Variants in ANKS1B observed in about 807,000 individuals in gnomAD.
The protein encoded by ANKS1B is ankyrin repeat and sterile alpha motif domain containing 1B.
A neutral mutation model predicts 148.3 loss-of-function variants in ANKS1B; 36 were observed. That is an observed-to-expected ratio of 0.24 (90% CI 0.19 to 0.32). ANKS1B has a LOEUF of 0.32. Ranked by LOEUF, ANKS1B falls within the 10% of genes least tolerant of loss-of-function variation. The pLI is 1.00. For missense variants in ANKS1B, 1,157 were observed against 1,542.6 expected (o/e 0.75, Z 4.19); for synonymous variants, 542 against 560.8 (o/e 0.97, Z 0.47).
At chr12:98,844,895 T>C (rs1352705655) in intron 17 of ANKS1B, among the ~76,000 whole-genome samples, 1 of 152,126 alleles carries the variant, frequency 6.6e-6, no homozygotes, top group Non-Finnish European at 1.5e-5. Context: ...TAATGTAAAA[T>C]TCAACATTCT....
chr12:99,563,813 A>G (rs1427231522), intron 9 of ANKS1B, among the ~76,000 whole-genome samples: 1 of 152,132 alleles, frequency 6.6e-6, no homozygotes, highest in African/African-American at 2.4e-5. Context: ...GTATGCCTGG[A>G]TATCTTTCCC....
intron 2 of ANKS1B, among the ~76,000 whole-genome samples, chr12:99,823,041 G>A (rs1451751165): frequency 6.6e-6 from 1 of 152,126 alleles, no homozygotes; most frequent in Non-Finnish European, 1.5e-5. Flanking sequence ...CTGACGATTA[G>A]TGATGTTGAG....
chr12:99,632,106 T>A (rs901117103), intron 9 of ANKS1B, among the ~76,000 whole-genome samples: 1 of 152,086 alleles, frequency 6.6e-6, no homozygotes, highest in Admixed American at 6.6e-5. Context: ...GTGACTTTGC[T>A]CCCCACACCC....
intron 11 of ANKS1B, among the ~76,000 whole-genome samples, chr12:99,418,602 A>G (rs1437058277): frequency 1.3e-5 from 2 of 152,042 alleles, no homozygotes; most frequent in East Asian, 1.9e-4. Flanking sequence ...AGGAAGTTTC[A>G]GTTTTCCTTT....
chr12:99,510,164 C>A (rs536466799), intron 9 of ANKS1B, among the ~76,000 whole-genome samples: 1 of 151,940 alleles, frequency 6.6e-6, no homozygotes, highest in Non-Finnish European at 1.5e-5. Context: ...TCTGATAGAG[C>A]TGTACGAAGA....
intron 12 of ANKS1B, among the ~76,000 whole-genome samples, chr12:99,345,617 G>C (rs932153423): frequency 6.6e-6 from 1 of 151,916 alleles, no homozygotes; most frequent in South Asian, 2.1e-4. Context: ...CCTTTAAAAA[G>C]GTTAAATCAC....
chr12:98,828,130 A>G (rs79494756), intron 19 of ANKS1B, among the ~76,000 whole-genome samples: 3,829 of 152,276 alleles, frequency 0.025, 93 homozygotes, highest in East Asian at 0.11. Flanking sequence ...TGCCTGCACA[A>G]AGAACCCAGA....
At position 99,072,430 on chromosome 12, in the gene ANKS1B, T is replaced by A. The variant is rs193084104; in HGVS notation, c.2625+12495A>T. 1.1e-4 allele frequency among the ~76,000 whole-genome samples: 16 copies of A among 152,164 alleles called. No homozygotes were observed. In the East Asian group the frequency reaches 1.7e-3, roughly 17 times the overall value. ...TCTATTGTTTTATAGATAAGGACAC[T>A]GGGATTAGAGAATTTAAGTAACTTG... On this transcript the variant is annotated intron_variant, in intron 16 of 26. Coordinates refer to ENST00000683438, the MANE Select transcript of ANKS1B (RefSeq NM_001352186.2).
Position 99,938,050 on chromosome 12 carries a change from C to T in ANKS1B, c.134+46054G>A, listed in dbSNP as rs145586872. On this transcript the variant is annotated intron_variant, in intron 1 of 26. Transcript: ENST00000683438. The stretch of plus-strand genomic sequence containing the variant: ...TGTGATCCCTCCCCTTGAGTATGGG[C>T]AGGACCTGTGGCTTGTTTCTAGTCA... Among the ~76,000 whole-genome samples, 249 of 152,264 alleles carry T rather than the reference C, an allele frequency of 1.6e-3. 9 individuals carry two copies. In the East Asian group the frequency reaches 0.04, roughly 25 times the overall value.
At chr12:99,729,922 G>T (rs1386724632) in intron 8 of ANKS1B, among the ~76,000 whole-genome samples, 1 of 152,174 alleles carries the variant, frequency 6.6e-6, no homozygotes, top group East Asian at 1.9e-4. Context: ...CTAGATTTCA[G>T]TAAACTGAAT....
At chr12:99,843,969 T>A (rs55722332) in intron 1 of ANKS1B, among the ~76,000 whole-genome samples, 4,598 of 152,218 alleles carry the variant, frequency 0.03, 199 homozygotes, top group African/African-American at 0.098. Context: ...TGGTATCTCA[T>A]GTCGTTTAGA....
chr12:99,625,411 T>C (rs2098102385), intron 9 of ANKS1B, among the ~76,000 whole-genome samples: 1 of 152,136 alleles, frequency 6.6e-6, no homozygotes, highest in Admixed American at 6.6e-5. Context: ...AAAAAAACTG[T>C]ACATAGCACC....
At chr12:99,664,194 A>G (rs1160686037) in intron 8 of ANKS1B, among the ~76,000 whole-genome samples, 1 of 152,038 alleles carries the variant, frequency 6.6e-6, no homozygotes, top group African/African-American at 2.4e-5. Flanking sequence ...GGCAAAATGT[A>G]TAACTTTGGG....
intron 12 of ANKS1B, among the ~76,000 whole-genome samples, chr12:99,284,286 T>C (rs2078839848): frequency 6.6e-6 from 1 of 152,102 alleles, no homozygotes; most frequent in Non-Finnish European, 1.5e-5. Flanking sequence ...TAAGGAAGAA[T>C]TGGGCAGCAG....
At chr12:99,766,038 A>G (rs1347743672) in intron 8 of ANKS1B, among the ~76,000 whole-genome samples, 1 of 152,156 alleles carries the variant, frequency 6.6e-6, no homozygotes, top group African/African-American at 2.4e-5. Flanking sequence ...GATTCCCATC[A>G]TGATTGCTGG....
At chr12:98,811,966 T>C (rs1344156622) in intron 19 of ANKS1B, among the ~76,000 whole-genome samples, 1 of 152,124 alleles carries the variant, frequency 6.6e-6, no homozygotes, top group African/African-American at 2.4e-5. Flanking sequence ...AAAAATCATA[T>C]AAAATTTTTC....
At position 99,896,689 on chromosome 12, in the gene ANKS1B, T is replaced by C. The variant is rs75914881; in HGVS notation, c.135-71300A>G. Among the ~76,000 whole-genome samples, 38 of 151,484 alleles carry C rather than the reference T, an allele frequency of 2.5e-4. 1 individual carries two copies. The highest frequency in any genetic ancestry group is 8.0e-4 in the African/African-American group (33 of 41,502). On this transcript the variant is annotated intron_variant, in intron 1 of 26. Coordinates refer to ENST00000683438, the MANE Select transcript of ANKS1B (RefSeq NM_001352186.2). ...AACAATGACATCTAGAATATTATACTGAATTACATTTCAGGCCTTTGTGGT... is the reference window on the plus strand; with the variant it reads ...AACAATGACATCTAGAATATTATACCGAATTACATTTCAGGCCTTTGTGGT...
intron 9 of ANKS1B, among the ~76,000 whole-genome samples, chr12:99,640,620 G>A (rs896389136): frequency 3.9e-5 from 6 of 152,140 alleles, no homozygotes; most frequent in East Asian, 3.9e-4. Flanking sequence ...CCCAGCCTTC[G>A]AAACTGTGAG....
intron 12 of ANKS1B, among the ~76,000 whole-genome samples, chr12:99,260,409 T>C (rs948075637): frequency 1.3e-5 from 2 of 152,216 alleles, no homozygotes; most frequent in African/African-American, 4.8e-5. Context: ...AAATGTATCC[T>C]GTGAGTTTTC....
Sources: allele counts gnomAD v4.1 joint callset (sites outside exome capture counted in the v4.1 genomes callset), GRCh38; gene constraint gnomAD v4.1.1; transcripts MANE v1.5; gene names NCBI Gene and HGNC (gene_info 2026-07-23, HGNC 2026-07-21).